CDH13: variants seen among roughly 807,000 people sequenced by gnomAD.
The protein encoded by CDH13 is cadherin-13.
A neutral mutation model predicts 63.8 loss-of-function variants in CDH13; 24 were observed. That is an observed-to-expected ratio of 0.38 (90% confidence interval 0.27 to 0.53). The LOEUF (loss-of-function observed/expected upper bound fraction) is 0.53, where lower values mean the gene tolerates loss of function less well. CDH13 is among the 20% of genes least tolerant of loss of function. The pLI, the probability that CDH13 is intolerant of heterozygous loss-of-function variation, is 0.85. For missense variants in CDH13, 1,049 were observed against 903.1 expected (o/e 1.16, Z -2.07); for synonymous variants, 503 against 355.3 (o/e 1.42, Z -4.67).
At chr16:82,968,947 C>A (rs1490602882) in intron 2 of CDH13, among the ~76,000 whole-genome samples, 1 of 152,026 alleles carries the variant, frequency 6.6e-6, no homozygotes, top group African/African-American at 2.4e-5. Context: ...TGGAAAAACC[C>A]CATCTCTACA....
At chr16:83,283,128 G>A (rs992169633) in intron 5 of CDH13, among the ~76,000 whole-genome samples, 25 of 152,098 alleles carry the variant, frequency 1.6e-4, no homozygotes, top group African/African-American at 6.0e-4. Flanking sequence ...GACTCATTCA[G>A]CACAATCCCT....
At chr16:82,863,726 C>A (rs2040027096) in intron 2 of CDH13, among the ~76,000 whole-genome samples, 1 of 152,140 alleles carries the variant, frequency 6.6e-6, no homozygotes, top group East Asian at 1.9e-4. Context: ...TCAGCTAGAT[C>A]CACTTTTCTT....
Position 83,481,013 on chromosome 16 carries a change from ATTCGGT to A in CDH13, c.782-5463_782-5458del, listed in dbSNP as rs559163205. Reference sequence around the variant, plus strand: ...CCTTTTGAAGCACCACTATTAGATCATTCGGTCACAGAAAGCATGGTTTGATTGGAA... The same window carrying A: ...CCTTTTGAAGCACCACTATTAGATCACACAGAAAGCATGGTTTGATTGGAA... On this transcript the variant is annotated intron_variant, in intron 6 of 13. Coordinates refer to ENST00000567109, the MANE Select transcript of CDH13 (RefSeq NM_001257.5). Among the ~76,000 whole-genome samples the A allele has an allele frequency of 3.9e-5, 6 of 152,302 alleles. No individual in the cohort carries two copies. The East Asian group carries it at 1.2e-3, about 29-fold the overall frequency.
chr16:83,700,086 T>G (rs1481619995), intron 10 of CDH13, among the ~76,000 whole-genome samples: 1 of 152,174 alleles, frequency 6.6e-6, no homozygotes, highest in African/African-American at 2.4e-5. Flanking sequence ...TGCCCCTCCT[T>G]TCCTTTACCT....
chr16:83,657,951 C>T (rs1014563805), intron 8 of CDH13, among the ~76,000 whole-genome samples: 2 of 149,022 alleles, frequency 1.3e-5, no homozygotes, highest in African/African-American at 5.1e-5. Context: ...GTCCCATATC[C>T]TCACCAGCAA....
intron 5 of CDH13, among the ~76,000 whole-genome samples, chr16:83,289,452 T>C (rs1033451758): frequency 6.6e-6 from 1 of 152,176 alleles, no homozygotes; most frequent in Non-Finnish European, 1.5e-5. Context: ...AACCCAGATA[T>C]TGATATTTTT....
intron 8 of CDH13, among the ~76,000 whole-genome samples, chr16:83,667,642 T>C (rs1914117971): frequency 1.3e-5 from 2 of 152,164 alleles, no homozygotes; most frequent in Admixed American, 1.3e-4. Context: ...AAATTTTTAA[T>C]TCTTTTCTTC....
chr16:83,193,478 C>T (rs964472774), intron 4 of CDH13, among the ~76,000 whole-genome samples: 5 of 152,144 alleles, frequency 3.3e-5, no homozygotes, highest in South Asian at 4.1e-4. Context: ...TTACAGACTC[C>T]GTTATTTCAG....
intron 6 of CDH13, among the ~76,000 whole-genome samples, chr16:83,401,398 G>A (rs2091966233): frequency 3.3e-5 from 5 of 151,730 alleles, no homozygotes; most frequent in Admixed American, 3.3e-4. Context: ...GGCGTGGTAG[G>A]CGTGGTGGGA....
chr16:83,285,954 G>C lies in CDH13; in HGVS notation c.637-58908G>C, dbSNP rs147662311. ...ACCAAGGAGCGTGGGCGAACTGGAG[G>C]GTTCCTGCCCATGTCCTGCCCACTT... On this transcript the variant is annotated intron_variant, in intron 5 of 13. Coordinates refer to ENST00000567109, the MANE Select transcript of CDH13 (RefSeq NM_001257.5). 1.3e-4 allele frequency among the ~76,000 whole-genome samples: 20 copies of C among 152,328 alleles called. No homozygotes were observed. The East Asian group carries it at 3.7e-3, about 28-fold the overall frequency.
chr16:82,653,303 C>T (rs1160495034), intron 1 of CDH13, among the ~76,000 whole-genome samples: 1 of 152,096 alleles, frequency 6.6e-6, no homozygotes, highest in Non-Finnish European at 1.5e-5. Flanking sequence ...TGGGCTTTTG[C>T]ACCTTTTTGT....
chr16:83,105,724 T>G (rs538272501), intron 3 of CDH13, among the ~76,000 whole-genome samples: 1 of 152,096 alleles, frequency 6.6e-6, no homozygotes, highest in Non-Finnish European at 1.5e-5. Context: ...CAGAAATTGA[T>G]AGAAACCACC....
At chr16:83,242,081 G>A (rs1904512616) in intron 5 of CDH13, among the ~76,000 whole-genome samples, 1 of 152,012 alleles carries the variant, frequency 6.6e-6, no homozygotes, top group Admixed American at 6.6e-5. Context: ...CACCATTTGG[G>A]GCTGCTCATT....
At chr16:82,667,309 G>A (rs1912703610) in intron 1 of CDH13, among the ~76,000 whole-genome samples, 1 of 152,204 alleles carries the variant, frequency 6.6e-6, no homozygotes, top group Admixed American at 6.5e-5. Context: ...GGGGATTGAG[G>A]CAGGTAAGGA....
At chr16:82,636,130 A>C (rs989405376) in intron 1 of CDH13, among the ~76,000 whole-genome samples, 12 of 152,316 alleles carry the variant, frequency 7.9e-5, no homozygotes, top group Middle Eastern at 3.4e-3. Flanking sequence ...TAGGTGGATA[A>C]CTTGACAGGC....
intron 4 of CDH13, among the ~76,000 whole-genome samples, chr16:83,195,612 C>T (rs1035552930): frequency 6.6e-6 from 1 of 152,098 alleles, no homozygotes; most frequent in Middle Eastern, 3.2e-3. Flanking sequence ...AACCCCCCGC[C>T]GTGATCCCAT....
chr16:82,967,651 G>C (rs1202294621), intron 2 of CDH13, among the ~76,000 whole-genome samples: 1 of 148,926 alleles, frequency 6.7e-6, no homozygotes, highest in South Asian at 2.2e-4. Context: ...CCAGGTCGGA[G>C]AACAGAGACC....
At position 83,125,424 on chromosome 16, in the gene CDH13, C is replaced by A; in HGVS notation, c.406C>A (p.Gln136Lys). Residue 136 changes from glutamine to lysine, a missense_variant, in exon 4 of 14, where the codon CAA (glutamine) becomes AAA (lysine). Transcript: ENST00000567109. ...TGCAAGAACTTCTCCTGTCCCAAGA[C>A]AAAAGAGGTCCATTGTGGTATCTCC... is the stretch of plus-strand genomic sequence containing the variant. ...KFARTSPVPR[Q>K]KRSIVVSPIL... 1.4e-5 allele frequency: 23 copies of A among 1,610,782 alleles called. No individual in the cohort carries two copies. Among genetic ancestry groups the A allele is most frequent in the Non-Finnish European group, 1.9e-5 (22 of 1,177,074 alleles).
chr16:83,178,228 G>A lies in CDH13; in HGVS notation c.484-39117G>A, dbSNP rs186587466. Reference sequence around the variant, plus strand: ...ATTATGTTGTGGGAGGCCGTCCTGTGCTTATAAAAGGATGTTTAATGCACC... The same window carrying A: ...ATTATGTTGTGGGAGGCCGTCCTGTACTTATAAAAGGATGTTTAATGCACC... On this transcript the variant is annotated intron_variant, in intron 4 of 13. Transcript: ENST00000567109. Among the ~76,000 whole-genome samples the A allele has an allele frequency of 3.7e-4, 57 of 152,200 alleles. 1 individual carries two copies. In the South Asian group the frequency reaches 9.6e-3, roughly 26 times the overall value.
Sources: allele counts gnomAD v4.1 joint callset (sites outside exome capture counted in the v4.1 genomes callset), GRCh38; gene constraint gnomAD v4.1.1; transcripts MANE v1.5; gene names NCBI Gene and HGNC (gene_info 2026-07-23, HGNC 2026-07-21).